The following TOGARAM1 variants were observed in gnomAD, a reference collection of about 807,000 sequenced individuals.
The protein encoded by TOGARAM1 is TOG array regulator of axonemal microtubules 1.
Under a neutral mutation model 166.6 loss-of-function variants are expected in TOGARAM1, and 100 were observed. The ratio of observed to expected loss-of-function variants is 0.60; its 90% CI spans 0.51 to 0.71. The LOEUF is 0.71. Among genes scored for constraint, TOGARAM1 ranks in the 30% least tolerant of loss-of-function variants. The pLI is 0.00. For missense variants in TOGARAM1, 2,029 were observed against 2,102.7 expected (o/e 0.96, Z 0.69); for synonymous variants, 758 against 763.8 (o/e 0.99, Z 0.13).
intron 17 of TOGARAM1, among the ~76,000 whole-genome samples, chr14:45,067,805 A>G (rs1855524033): frequency 6.6e-6 from 1 of 152,166 alleles, no homozygotes. Flanking sequence ...CAGCTCATAG[A>G]GTAGCTCTTC....
intron 16 of TOGARAM1, among the ~76,000 whole-genome samples, chr14:45,058,745 G>A (rs1380884863): frequency 6.6e-6 from 1 of 152,030 alleles, no homozygotes; most frequent in African/African-American, 2.4e-5. Flanking sequence ...TTGCATTCAA[G>A]GTTAATATTG....
chr14:45,062,945 A>AT (rs1202481230), intron 16 of TOGARAM1, among the ~76,000 whole-genome samples: 1 of 152,172 alleles, frequency 6.6e-6, no homozygotes, highest in Non-Finnish European at 1.5e-5. Flanking sequence ...TCTCATACTT[A>AT]TTAGCAGTCA....
chr14:44,986,514 G>A (rs962532857), intron 1 of TOGARAM1, among the ~76,000 whole-genome samples: 6 of 152,044 alleles, frequency 3.9e-5, no homozygotes, highest in Non-Finnish European at 4.4e-5. Context: ...CTAGGCTGGT[G>A]TTGAACTGCT....
chr14:45,068,916 G>A (rs1244337397), intron 18 of TOGARAM1, among the ~76,000 whole-genome samples: 2 of 150,256 alleles, frequency 1.3e-5, no homozygotes, highest in African/African-American at 2.5e-5. Context: ...TCAATACTTC[G>A]GCATGAGATG....
At position 45,039,434 on chromosome 14, in the gene TOGARAM1, C is replaced by T. The variant is rs976249413; in HGVS notation, c.3813-4252C>T. Among the ~76,000 whole-genome samples the T allele has an allele frequency of 5.9e-5, 9 of 152,300 alleles. No individual in the cohort carries two copies. The East Asian group carries it at 1.5e-3, about 26-fold the overall frequency. ...CACCTGCCCCTTTCTGCCCAGGATC[C>T]TGTCTGCCTCCTGCCACCATCAACC... On this transcript the variant is annotated intron_variant, in intron 11 of 19. Transcript: ENST00000361462.
chr14:44,990,084 G>A (rs1373729852), intron 1 of TOGARAM1, among the ~76,000 whole-genome samples: 1 of 152,118 alleles, frequency 6.6e-6, no homozygotes, highest in African/African-American at 2.4e-5. Flanking sequence ...TGATATGTGG[G>A]GATTATGAGG....
chr14:45,071,326 T>G (rs996675867), intron 18 of TOGARAM1, among the ~76,000 whole-genome samples: 1 of 151,798 alleles, frequency 6.6e-6, no homozygotes, highest in African/African-American at 2.4e-5. Flanking sequence ...GATAGCTCCT[T>G]TAAAACTGTG....
intron 1 of TOGARAM1, among the ~76,000 whole-genome samples, chr14:44,964,869 C>G (rs1021245780): frequency 1.6e-5 from 2 of 126,290 alleles, no homozygotes; most frequent in Non-Finnish European, 3.2e-5. Flanking sequence ...TAGCAGTTAA[C>G]AAATTCGTTA....
chr14:45,006,260 A>T lies in TOGARAM1; in HGVS notation c.2897A>T (p.Gln966Leu), dbSNP rs781080189. The change falls in exon 5 of 20, where the codon CAA becomes CTA. Residue 966 changes from glutamine (Q) to leucine (L), a missense_variant. Coordinates refer to ENST00000361462, the MANE Select transcript of TOGARAM1 (RefSeq NM_001308120.2). ...AATTTCAAGGATAAAGATTTGGATC[A>T]AGAAGAGGTTAGAACCAAATATTTT... ...ELNFKDKDLD[Q>L]EEMHSSLRSL... 6.2e-7 allele frequency: 1 copy of T among 1,608,858 alleles called. No homozygotes were observed. Among genetic ancestry groups the T allele is most frequent in the South Asian group, 1.1e-5 (1 of 90,478 alleles).
Position 45,004,341 on chromosome 14 carries a change from G to T in TOGARAM1, c.2619G>T (p.Ser873=). 6.2e-7 allele frequency: 1 copy of T among 1,613,778 alleles called. No individual in the cohort carries two copies. Among genetic ancestry groups the T allele is most frequent in the South Asian group, 1.1e-5 (1 of 91,058 alleles). ...SPQKKLVSQK[S]SDPTGRNHGE... ...AGAAGAAGCTTGTCAGCCAAAAATC[G>T]TCTGATCCTACGGGTAGAAATCATG... Residue 873 remains serine, a synonymous_variant, in exon 4 of 20, where the codon TCG becomes TCT. Transcript: ENST00000361462.
chr14:45,052,944 G>C (rs1882445914), intron 15 of TOGARAM1, among the ~76,000 whole-genome samples: 1 of 151,542 alleles, frequency 6.6e-6, no homozygotes. Context: ...TTTAGTCCCT[G>C]CTTTATTTAC....
chr14:44,963,089 T>A lies in TOGARAM1; in HGVS notation c.668T>A (p.Leu223Gln), dbSNP rs2138698305. 6.2e-7 allele frequency: 1 copy of A among 1,614,180 alleles called. No homozygotes were observed. The highest frequency in any genetic ancestry group is 2.2e-5 in the East Asian group (1 of 44,890). The change falls in exon 1 of 20, where the codon CTG (leucine) becomes CAG (glutamine). Residue 223 changes from leucine (L) to glutamine (Q), a missense_variant. Leu to Gln is a moderately radical substitution (Grantham distance 113). This residue lies in a region of TOGARAM1 where 1,453 missense variants were observed against 1,432.2 expected (regional missense o/e 1.01). Transcript: ENST00000361462. ...CTGAGAACGCTTATACAACAAGGACTGGAAAGTACCGATGCCCGACTTAGA... is the reference window on the plus strand; with the variant it reads ...CTGAGAACGCTTATACAACAAGGACAGGAAAGTACCGATGCCCGACTTAGA... ...EVLRTLIQQG[L>Q]ESTDARLRAS...
chr14:45,058,423 T>C (rs980841616), intron 16 of TOGARAM1, among the ~76,000 whole-genome samples: 6 of 152,106 alleles, frequency 3.9e-5, no homozygotes, highest in Non-Finnish European at 7.4e-5. Context: ...GCATCCCTAG[T>C]AGCTGGGACT....
At chr14:45,011,253 G>C (rs1035240134) in intron 6 of TOGARAM1, among the ~76,000 whole-genome samples, 1 of 152,124 alleles carries the variant, frequency 6.6e-6, no homozygotes, top group Non-Finnish European at 1.5e-5. Context: ...CTGTATTTTT[G>C]TGTTATCATA....
At chr14:44,984,729 C>A (rs936352608) in intron 1 of TOGARAM1, among the ~76,000 whole-genome samples, 1 of 151,498 alleles carries the variant, frequency 6.6e-6, no homozygotes, top group Non-Finnish European at 1.5e-5. Context: ...GAGCTATGAT[C>A]GTGCCACTGC....
rs1885226030 is a variant in TOGARAM1, at chr14:44,962,635, T to C, written c.214T>C (p.Leu72=). ...AACTTCGCCTCTGGCCTCGGCCCTC[T>C]TGATGCCCTCGGAGGCAGTCTCAAG... is the stretch of plus-strand genomic sequence containing the variant. ...TTTSPLASAL[L]MPSEAVSSSW... is the part of the protein sequence containing the mutation. Residue 72 remains leucine (L), a synonymous_variant, in exon 1 of 20, where the codon TTG becomes CTG. Transcript: ENST00000361462. 10 of 1,614,026 alleles carry C rather than the reference T, an allele frequency of 6.2e-6. No homozygotes were observed. The East Asian group carries it at 2.2e-4, about 36-fold the overall frequency.
intron 5 of TOGARAM1, chr14:45,007,074 A>G (rs1222061147): frequency 6.6e-6 from 1 of 152,074 alleles, no homozygotes; most frequent in Non-Finnish European, 1.5e-5. Context: ...AGGTTAAAAA[A>G]AAAGTTTTAT....
At chr14:44,964,931 A>C (rs1385642296) in intron 1 of TOGARAM1, among the ~76,000 whole-genome samples, 1 of 149,526 alleles carries the variant, frequency 6.7e-6, no homozygotes, top group African/African-American at 2.5e-5. Flanking sequence ...AAGACAGAAA[A>C]ACTAATTCCA....
intron 1 of TOGARAM1, among the ~76,000 whole-genome samples, chr14:44,987,154 G>A (rs1886863285): frequency 1.3e-5 from 2 of 151,906 alleles, no homozygotes; most frequent in African/African-American, 4.8e-5. Context: ...ATGTTGGCCA[G>A]GATGGTCTCG....
Sources: allele counts gnomAD v4.1 joint callset (sites outside exome capture counted in the v4.1 genomes callset), GRCh38; gene constraint gnomAD v4.1.1; regional missense constraint gnomAD v4.1.1; transcripts MANE v1.5; gene names NCBI Gene and HGNC (gene_info 2026-07-23, HGNC 2026-07-21).